Variants in AFF2 observed in about 807,000 individuals in gnomAD.
AFF2 encodes ALF transcription elongation factor 2.
AFF2 carries 14 observed loss-of-function variants against 76.9 expected under a neutral mutation model. That is an observed-to-expected ratio of 0.18 (90% CI 0.12 to 0.28). The LOEUF is 0.28. AFF2 is among the 10% of genes least tolerant of loss of function. The probability of loss-of-function intolerance (pLI) is 1.00; values close to 1 mark genes in which losing one functional copy is unlikely to be tolerated. For synonymous variants in AFF2, 398 were observed against 366.7 expected (o/e 1.09, Z -0.98); for missense variants, 868 against 1,001.1 (o/e 0.87, Z 1.79).
chrX:148,595,617 A>G (rs1336055447), intron 1 of AFF2, among the ~76,000 whole-genome samples: 1 of 112,666 alleles, frequency 8.9e-6, no homozygotes, highest in Non-Finnish European at 1.9e-5. Flanking sequence ...AAAGCCAGTC[A>G]TGATGATTGA....
At chrX:148,621,585 A>G (rs1557251272) in intron 1 of AFF2, among the ~76,000 whole-genome samples, 1 of 112,078 alleles carries the variant, frequency 8.9e-6, no homozygotes, top group Non-Finnish European at 1.9e-5. Context: ...TTATGTAATC[A>G]TAATAACAAC....
intron 1 of AFF2, among the ~76,000 whole-genome samples, chrX:148,596,374 G>T (rs1335261047): frequency 6.2e-5 from 7 of 112,058 alleles, no homozygotes; most frequent in Admixed American, 2.8e-4. Flanking sequence ...GGCCACTTGT[G>T]CCCTGGTGTG....
At chrX:148,545,397 G>C (rs1557238014) in intron 1 of AFF2, among the ~76,000 whole-genome samples, 1 of 112,090 alleles carries the variant, frequency 8.9e-6, no homozygotes, top group East Asian at 2.8e-4. Flanking sequence ...TTGGGTACAG[G>C]AGGAAATTTT....
At chrX:148,609,503 A>C (rs1293203796) in intron 1 of AFF2, among the ~76,000 whole-genome samples, 6 of 111,668 alleles carry the variant, frequency 5.4e-5, no homozygotes, top group African/African-American at 2.0e-4. Flanking sequence ...GTGTGTAGTG[A>C]CTGGCTGAAT....
intron 1 of AFF2, among the ~76,000 whole-genome samples, chrX:148,635,971 A>G (rs781845316): frequency 3.4e-4 from 38 of 110,277 alleles, no homozygotes; most frequent in Middle Eastern, 4.6e-3. Context: ...TCAATTATAG[A>G]TCTGTGTAAA....
chrX:148,750,405 A>AT (rs1175610424), intron 3 of AFF2, among the ~76,000 whole-genome samples: 4 of 110,649 alleles, frequency 3.6e-5, no homozygotes, highest in Non-Finnish European at 5.7e-5. Flanking sequence ...TTGACATTGT[A>AT]TTTTCTTGGC....
At chrX:148,629,587 C>T (rs1324540750) in intron 1 of AFF2, among the ~76,000 whole-genome samples, 1 of 112,124 alleles carries the variant, frequency 8.9e-6, no homozygotes, top group Non-Finnish European at 1.9e-5. Context: ...GCAAGAAAGA[C>T]AATTTGTTAC....
intron 7 of AFF2, among the ~76,000 whole-genome samples, chrX:148,858,154 C>T (rs1557276079): frequency 9.0e-6 from 1 of 111,326 alleles, no homozygotes; most frequent in Non-Finnish European, 1.9e-5. Flanking sequence ...AATAGCTTCT[C>T]CTTTTAAAAG....
intron 1 of AFF2, among the ~76,000 whole-genome samples, chrX:148,638,316 G>A (rs1446270498): frequency 9.0e-6 from 1 of 111,177 alleles, no homozygotes; most frequent in Non-Finnish European, 1.9e-5. Context: ...CAATCATGGT[G>A]GAAGGAGAAG....
intron 3 of AFF2, among the ~76,000 whole-genome samples, chrX:148,804,753 C>T (rs782652856): frequency 6.2e-5 from 7 of 112,159 alleles, no homozygotes; most frequent in East Asian, 2.8e-4. Context: ...TTATATTACC[C>T]GAGGACTTCT....
chrX:148,542,317 C>T (rs905674116), intron 1 of AFF2, among the ~76,000 whole-genome samples: 1 of 107,861 alleles, frequency 9.3e-6, no homozygotes, highest in African/African-American at 3.4e-5. Context: ...AGCGAACCAA[C>T]ATTTCCCAAG....
rs1417499434 is a variant in AFF2, at chrX:148,734,779, T to A, written c.1041+72011T>A. Among the ~76,000 whole-genome samples the A allele has an allele frequency of 2.7e-5, 3 of 112,330 alleles. No individual in the cohort carries two copies. In the Admixed American group the frequency reaches 2.8e-4, roughly 11 times the overall value. On this transcript the variant is annotated intron_variant, in intron 3 of 20. Transcript: ENST00000370460. ...AATGGTTCTTTATAAACATGTTTTT[T>A]CATAAATTTTGTGCATTTGTATTTT...
chrX:148,829,190 T>G (rs533328004), intron 4 of AFF2, among the ~76,000 whole-genome samples: 1 of 112,609 alleles, frequency 8.9e-6, no homozygotes, highest in South Asian at 3.7e-4. Flanking sequence ...TTAAAAGAAT[T>G]GCATTTTGCA....
intron 7 of AFF2, among the ~76,000 whole-genome samples, chrX:148,884,736 T>G (rs2071137291): frequency 8.9e-6 from 1 of 112,205 alleles, no homozygotes; most frequent in African/African-American, 3.2e-5. Flanking sequence ...TGGGGAGAGA[T>G]TCAGTGGAAA....
At chrX:148,558,658 CTG>C (rs2053078770) in intron 1 of AFF2, among the ~76,000 whole-genome samples, 1 of 111,778 alleles carries the variant, frequency 8.9e-6, no homozygotes, top group Non-Finnish European at 1.9e-5. Flanking sequence ...GGTAATAACA[CTG>C]TAATGTAAAA....
intron 5 of AFF2, among the ~76,000 whole-genome samples, chrX:148,842,328 G>C (rs1425955747): frequency 8.9e-6 from 1 of 112,692 alleles, no homozygotes; most frequent in Non-Finnish European, 1.9e-5. Flanking sequence ...ATTGTGTATA[G>C]TGTGACTTTC....
chrX:148,778,923 GT>G (rs1217348937), intron 3 of AFF2, among the ~76,000 whole-genome samples: 1 of 110,846 alleles, frequency 9.0e-6, no homozygotes, highest in African/African-American at 3.3e-5. Flanking sequence ...TGCCTCTCTA[GT>G]TTTTTTAATT....
Position 148,662,712 on chromosome X carries a change from A to C in AFF2, c.985A>C (p.Ser329Arg). The change falls in exon 3 of 21, where the codon AGT (serine) becomes CGT (arginine). Residue 329 changes from serine (S) to arginine (R), a missense_variant. Ser to Arg is a moderately radical substitution (Grantham distance 110). Coordinates refer to ENST00000370460, the MANE Select transcript of AFF2 (RefSeq NM_002025.4). ...TGGAACACTCTTGGATGGAAAACCC[A>C]GTGCAGCCAGTTCAAAGACTAAACT... ...SFGTLLDGKP[S>R]AASSKTKLPK... 8.3e-7 allele frequency: 1 copy of C among 1,212,068 alleles called. No homozygotes were observed. Among genetic ancestry groups the C allele is most frequent in the South Asian group, 1.8e-5 (1 of 57,022 alleles).
intron 1 of AFF2, among the ~76,000 whole-genome samples, chrX:148,514,808 T>C (rs1210442030): frequency 8.9e-6 from 1 of 112,456 alleles, no homozygotes; most frequent in Non-Finnish European, 1.9e-5. Context: ...TCTGACAGCA[T>C]TTGGAAAAAG....
Sources: gnomAD v4.1 joint callset for allele counts (sites outside exome capture counted in the v4.1 genomes callset) on GRCh38, gnomAD v4.1.1 for gene constraint, MANE v1.5 for transcripts, NCBI Gene and HGNC (gene_info 2026-07-23, HGNC 2026-07-21) for gene names.